PCDHA3: variants seen among roughly 807,000 people sequenced by gnomAD.
PCDHA3 encodes the protein protocadherin alpha-3.
PCDHA3 carries 41 observed loss-of-function variants against 62.2 expected under a neutral mutation model. The ratio of observed to expected loss-of-function variants is 0.66; its 90% CI spans 0.51 to 0.86. The LOEUF is 0.86. PCDHA3 is among the 40% of genes least tolerant of loss of function. The probability of loss-of-function intolerance (pLI) is 0.00; values close to 1 mark genes in which losing one functional copy is unlikely to be tolerated. For missense variants in PCDHA3, 1,304 were observed against 1,241.2 expected (o/e 1.05, Z -0.76); for synonymous variants, 640 against 555.4 (o/e 1.15, Z -2.14).
At chr5:140,880,349 TGAATTTA>T in intron 1 of PCDHA3, among the ~76,000 whole-genome samples, 1 of 152,224 alleles carries the variant, frequency 6.6e-6, no homozygotes, top group East Asian at 1.9e-4. Flanking sequence ...AGGCAGCAGG[TGAATTTA>T]GATGAAAACC....
At chr5:140,862,894 TTGTC>T (rs782757160) in intron 1 of PCDHA3, 2 of 559,636 alleles carry the variant, frequency 3.6e-6, no homozygotes, top group East Asian at 4.8e-5. Flanking sequence ...AACGACAACT[TTGTC>T]TGCGCTGCTG....
At position 140,912,741 on chromosome 5, in the gene PCDHA3, C is replaced by T. The variant is rs371215646; in HGVS notation, c.2395-66208C>T. Among the ~76,000 whole-genome samples the T allele has an allele frequency of 2.1e-3, 323 of 152,182 alleles. 1 individual carries two copies. Among genetic ancestry groups the T allele is most frequent in the African/African-American group, 7.6e-3 (315 of 41,526 alleles). ...ATTCAATATGATGTTGGCTGTGGGT[C>T]TGTCATAGATGGCTTTTATTACTTT... On this transcript the variant is annotated intron_variant, in intron 1 of 3. Transcript: ENST00000522353.
At chr5:140,860,133 G>GTA (rs1366023813) in intron 1 of PCDHA3, 4 of 149,192 alleles carry the variant, frequency 2.7e-5, no homozygotes, top group Non-Finnish European at 5.9e-5. Flanking sequence ...GTGTGTGTGT[G>GTA]TATATATATG....
Position 141,010,271 on chromosome 5 carries a change from C to T in PCDHA3, c.*334C>T, listed in dbSNP as rs1031489236. The T allele has an allele frequency of 5.5e-5, 85 of 1,551,586 alleles. No individual in the cohort carries two copies. The highest frequency in any genetic ancestry group is 7.2e-5 in the Non-Finnish European group (83 of 1,146,992). On this transcript the variant is annotated 3_prime_UTR_variant, in exon 4 of 4. Coordinates refer to ENST00000522353, the MANE Select transcript of PCDHA3 (RefSeq NM_018906.3). ...CTCTCTGCCCTGTGCTCCGGGGATCCTGTCTTGATGACACTTGCAGGGCAG... is the reference window on the plus strand; with the variant it reads ...CTCTCTGCCCTGTGCTCCGGGGATCTTGTCTTGATGACACTTGCAGGGCAG...
At chr5:140,823,616 C>T in intron 1 of PCDHA3, 1 of 1,614,036 alleles carries the variant, frequency 6.2e-7, no homozygotes. Flanking sequence ...CAGCCAGCGC[C>T]TGGCAGTGCG....
intron 1 of PCDHA3, chr5:140,848,313 C>A: frequency 2.7e-6 from 2 of 730,622 alleles, no homozygotes; most frequent in Non-Finnish European, 4.5e-6. Flanking sequence ...CACTCTTTGC[C>A]GCGATGTTCT....
At chr5:140,840,408 T>G (rs1310565539) in intron 1 of PCDHA3, among the ~76,000 whole-genome samples, 6 of 151,960 alleles carry the variant, frequency 3.9e-5, no homozygotes, top group Admixed American at 2.0e-4. Context: ...TTAAGAATAC[T>G]TCAAATAATA....
intron 1 of PCDHA3, chr5:140,884,831 ATCCT>A: frequency 1.1e-6 from 1 of 939,722 alleles, no homozygotes; most frequent in Non-Finnish European, 1.5e-6. Flanking sequence ...GTGTTGGATT[ATCCT>A]TCAGAGTGAA....
chr5:140,805,653 A>T (rs1686514834), intron 1 of PCDHA3: 5 of 846,806 alleles, frequency 5.9e-6, no homozygotes, highest in Admixed American at 6.2e-5. Context: ...GGAAGTCTTC[A>T]TTCCCCATTA....
intron 1 of PCDHA3, among the ~76,000 whole-genome samples, chr5:140,921,417 A>C (rs1292321863): frequency 6.6e-6 from 1 of 152,210 alleles, no homozygotes; most frequent in Non-Finnish European, 1.5e-5. Flanking sequence ...TCTGTGCTGC[A>C]GACAAAAATT....
intron 1 of PCDHA3, chr5:140,967,425 C>A (rs1218574888): frequency 1.2e-6 from 2 of 1,613,178 alleles, no homozygotes; most frequent in Non-Finnish European, 1.7e-6. Context: ...CGGGAGCAGG[C>A]AGCCTTGCAC....
chr5:140,933,853 A>AT (rs2089460601), intron 1 of PCDHA3, among the ~76,000 whole-genome samples: 2 of 151,568 alleles, frequency 1.3e-5, no homozygotes, highest in Non-Finnish European at 3.0e-5. Context: ...TGTACCTTTA[A>AT]TTTTTTCAGA....
At chr5:140,941,216 T>TTTCTTTCTTTCC (rs782179127) in intron 1 of PCDHA3, among the ~76,000 whole-genome samples, 13 of 124,948 alleles carry the variant, frequency 1.0e-4, no homozygotes, top group Non-Finnish European at 1.8e-4. Context: ...TCTTTCTTCC[T>TTTCTTTCTTTCC]TTCTTTCTTT....
chr5:140,985,975 G>A (rs2097182023), intron 3 of PCDHA3, among the ~76,000 whole-genome samples: 2 of 152,148 alleles, frequency 1.3e-5, no homozygotes, highest in South Asian at 2.1e-4. Flanking sequence ...TCCTGACCTC[G>A]TGATCCGCCC....
intron 3 of PCDHA3, among the ~76,000 whole-genome samples, chr5:140,996,253 A>C (rs2153938437): frequency 6.6e-6 from 1 of 152,370 alleles, no homozygotes; most frequent in African/African-American, 2.4e-5. Flanking sequence ...AAGTGACAGC[A>C]ACACAGAGCC....
chr5:140,822,637 G>A (rs2150118017), intron 1 of PCDHA3: 2 of 1,610,588 alleles, frequency 1.2e-6, no homozygotes, highest in Non-Finnish European at 1.7e-6. Flanking sequence ...TCTTGACGAT[G>A]TAAAGTCCAA....
At chr5:140,871,728 G>A in intron 1 of PCDHA3, 1 of 724,824 alleles carries the variant, frequency 1.4e-6, no homozygotes, top group South Asian at 2.4e-5. Flanking sequence ...CTTAATATTT[G>A]GTTAGCAAAT....
chr5:140,884,042 G>A (rs1554181105), intron 1 of PCDHA3: 4 of 1,613,464 alleles, frequency 2.5e-6, no homozygotes, highest in Non-Finnish European at 3.4e-6. Flanking sequence ...CCACGTGGTG[G>A]CGAAGGTGCG....
chr5:140,995,449 A>G (rs1279825778), intron 3 of PCDHA3, among the ~76,000 whole-genome samples: 18 of 152,120 alleles, frequency 1.2e-4, no homozygotes, highest in African/African-American at 3.9e-4. Flanking sequence ...AAACTTATGA[A>G]TTGTTTATTT....
Sources: gnomAD v4.1 joint callset for allele counts (sites outside exome capture counted in the v4.1 genomes callset) on GRCh38, gnomAD v4.1.1 for gene constraint, MANE v1.5 for transcripts, NCBI Gene and HGNC (gene_info 2026-07-23, HGNC 2026-07-21) for gene names.